Variants in TMEFF1 observed in about 807,000 individuals in gnomAD.
TMEFF1 encodes the protein tomoregulin-1.
In TMEFF1, 20 loss-of-function variants were observed where a neutral mutation model predicts 47.5. The ratio of observed to expected loss-of-function variants is 0.42; its 90% CI spans 0.30 to 0.61. The LOEUF is 0.61. TMEFF1 is among the 20% of genes least tolerant of loss of function. TMEFF1 has a pLI of 0.19. For missense variants in TMEFF1, 411 were observed against 471.1 expected (o/e 0.87, Z 1.18); for synonymous variants, 162 against 166.3 (o/e 0.97, Z 0.20).
intron 1 of TMEFF1, among the ~76,000 whole-genome samples, chr9:100,487,082 A>G (rs966611625): frequency 9.2e-5 from 14 of 151,474 alleles, no homozygotes; most frequent in African/African-American, 2.7e-4. Flanking sequence ...AGTCAGCTCA[A>G]TCTTTTAGTG....
chr9:100,501,465 T>G (rs951233636), intron 2 of TMEFF1, among the ~76,000 whole-genome samples: 1 of 152,160 alleles, frequency 6.6e-6, no homozygotes, highest in Non-Finnish European at 1.5e-5. Context: ...GTCTAGTTTC[T>G]GGGGTATTTT....
intron 9 of TMEFF1, among the ~76,000 whole-genome samples, chr9:100,573,806 C>T (rs773674191): frequency 7.3e-4 from 111 of 152,224 alleles, no homozygotes; most frequent in Non-Finnish European, 1.4e-3. Flanking sequence ...AACACCTAGG[C>T]ATGAAAGTCA....
At chr9:100,547,964 G>A (rs999898550) in intron 6 of TMEFF1, 72 bp downstream of exon 6, 2 of 1,324,924 alleles carry the variant, frequency 1.5e-6, no homozygotes, top group African/African-American at 1.5e-5. Flanking sequence ...TGTACATTTG[G>A]TAGTGTTTCA....
chr9:100,490,537 C>T (rs978696683), intron 1 of TMEFF1, among the ~76,000 whole-genome samples: 1 of 152,044 alleles, frequency 6.6e-6, no homozygotes, highest in African/African-American at 2.4e-5. Context: ...GTTTTAGGCA[C>T]GATTGCTTTT....
At chr9:100,523,949 T>C (rs959385673) in intron 5 of TMEFF1, among the ~76,000 whole-genome samples, 1 of 152,212 alleles carries the variant, frequency 6.6e-6, no homozygotes, top group African/African-American at 2.4e-5. Flanking sequence ...TATGTATGTA[T>C]ATATGCATTC....
intron 5 of TMEFF1, among the ~76,000 whole-genome samples, chr9:100,530,209 C>G (rs550665631): frequency 6.6e-6 from 1 of 151,960 alleles, no homozygotes; most frequent in South Asian, 2.1e-4. Context: ...CAAACACATT[C>G]AAAAGCTAGC....
intron 5 of TMEFF1, among the ~76,000 whole-genome samples, chr9:100,531,868 G>T (rs927283245): frequency 4.0e-5 from 6 of 151,858 alleles, no homozygotes; most frequent in African/African-American, 1.2e-4. Flanking sequence ...AACCAAAACA[G>T]CATGGTACTG....
intron 5 of TMEFF1, among the ~76,000 whole-genome samples, chr9:100,534,129 TAGAA>T (rs969298148): frequency 1.3e-5 from 2 of 152,232 alleles, no homozygotes; most frequent in South Asian, 4.1e-4. Flanking sequence ...CCTAGTGTGT[TAGAA>T]AGAAAAGTGG....
At chr9:100,548,558 T>C (rs1045905726) in intron 6 of TMEFF1, among the ~76,000 whole-genome samples, 3 of 152,202 alleles carry the variant, frequency 2.0e-5, no homozygotes, top group Admixed American at 2.0e-4. Flanking sequence ...GTTGGGAAGA[T>C]GGATTATTTC....
chr9:100,550,427 A>G (rs907013026), intron 7 of TMEFF1, among the ~76,000 whole-genome samples: 15 of 152,196 alleles, frequency 9.9e-5, no homozygotes, highest in Non-Finnish European at 1.8e-4. Flanking sequence ...AGTTATACAG[A>G]AAGATCTCTC....
At chr9:100,497,237 C>A (rs761523850) in intron 1 of TMEFF1, among the ~76,000 whole-genome samples, 2 of 150,550 alleles carry the variant, frequency 1.3e-5, no homozygotes, top group Non-Finnish European at 2.9e-5. Context: ...AGATGGCCTT[C>A]TCTACCTGGA....
chr9:100,574,522 C>T (rs1440222754), intron 9 of TMEFF1, among the ~76,000 whole-genome samples: 1 of 152,016 alleles, frequency 6.6e-6, no homozygotes. Context: ...CAGGCATGCG[C>T]CACCATGCCT....
intron 1 of TMEFF1, among the ~76,000 whole-genome samples, chr9:100,478,956 G>T (rs935308583): frequency 6.6e-6 from 1 of 152,184 alleles, no homozygotes; most frequent in African/African-American, 2.4e-5. Flanking sequence ...TAGAGAATTT[G>T]AAATGGGTTT....
chr9:100,571,387 AGTCAC>A (rs1839236264), intron 8 of TMEFF1, among the ~76,000 whole-genome samples: 1 of 152,210 alleles, frequency 6.6e-6, no homozygotes, highest in African/African-American at 2.4e-5. Context: ...GCTATATTAT[AGTCAC>A]TGGATGGAGT....
In TMEFF1 at chr9:100,576,609, C is replaced by T. The variant is rs1839358885; in HGVS notation, c.*9C>T. The T allele has an allele frequency of 6.2e-7, 1 of 1,606,630 alleles. No individual in the cohort carries two copies. On this transcript the variant is annotated 3_prime_UTR_variant, in exon 10 of 10. Transcript: ENST00000374879. ...CATCCAGAATGGTTTAAACTGATGA[C>T]TTTTATATGTACACTGACCATGTGA... is the stretch of plus-strand genomic sequence containing the variant.
chr9:100,473,326 C>CGACCCTCGCACGCGCCCG lies in TMEFF1; in HGVS notation c.-213_-196dup, dbSNP rs1433694619. 2.7e-4 allele frequency: 56 copies of CGACCCTCGCACGCGCCCG among 203,850 alleles called. No homozygotes were observed. Among genetic ancestry groups the CGACCCTCGCACGCGCCCG allele is most frequent in the Admixed American group, 5.5e-4 (9 of 16,348 alleles). 12.6% of individuals were successfully genotyped at this position (203,850 alleles called of 1,614,324 possible). On this transcript the variant is annotated 5_prime_UTR_variant, in exon 1 of 10. Transcript: ENST00000374879. The surrounding 1 kb of genome is among the most constrained non-coding windows in gnomAD (Gnocchi z 5.4). ...CCTCGCGCGCACCCTTGCGCGCCCGCGACCCTCGCACGCGCCCGGACCCGC... is the reference window on the plus strand; with the variant it reads ...CCTCGCGCGCACCCTTGCGCGCCCGCGACCCTCGCACGCGCCCGGACCCTCGCACGCGCCCGGACCCGC...
At chr9:100,532,301 G>A (rs1185126539) in intron 5 of TMEFF1, among the ~76,000 whole-genome samples, 4 of 152,126 alleles carry the variant, frequency 2.6e-5, no homozygotes, top group African/African-American at 9.7e-5. Context: ...AGAGTGAACA[G>A]GCAACCTACA....
intron 5 of TMEFF1, among the ~76,000 whole-genome samples, chr9:100,537,781 C>T (rs1838548194): frequency 1.3e-5 from 2 of 152,302 alleles, no homozygotes; most frequent in South Asian, 2.1e-4. Flanking sequence ...TGCGCCCCTC[C>T]CTTATCCACA....
intron 5 of TMEFF1, among the ~76,000 whole-genome samples, chr9:100,535,648 G>C (rs1159845154): frequency 6.6e-6 from 1 of 152,228 alleles, no homozygotes; most frequent in Admixed American, 6.5e-5. Flanking sequence ...GCATGTGCCT[G>C]TAATCTTAGC....
Sources: gnomAD v4.1 joint callset for allele counts (sites outside exome capture counted in the v4.1 genomes callset) on GRCh38, gnomAD v4.1.1 for gene constraint, Gnocchi (gnomAD v3.1) non-coding constraint, MANE v1.5 for transcripts, NCBI Gene and HGNC (gene_info 2026-07-23, HGNC 2026-07-21) for gene names.